The following GNAO1 variants were observed in gnomAD, a reference collection of about 807,000 sequenced individuals.
GNAO1 encodes the protein guanine nucleotide-binding protein G(o) subunit alpha.
For synonymous variants in GNAO1, 164 were observed against 180.7 expected (o/e 0.91, Z 0.74); for missense variants, 166 against 478.7 (o/e 0.35, Z 6.10).
At chr16:56,343,162 A>C (rs1243250223) in intron 6 of GNAO1, among the ~76,000 whole-genome samples, 1 of 151,812 alleles carries the variant, frequency 6.6e-6, no homozygotes, top group Non-Finnish European at 1.5e-5. Context: ...GTATAAAAGG[A>C]AAATGGAAGT....
At chr16:56,235,415 C>T (rs757259021) in intron 2 of GNAO1, 19 of 456,002 alleles carry the variant, frequency 4.2e-5, no homozygotes, top group South Asian at 1.2e-4. Context: ...TGAAGGCCGG[C>T]GGGACACTAC....
intron 2 of GNAO1, among the ~76,000 whole-genome samples, chr16:56,264,831 ATAC>A (rs2036936494): frequency 6.7e-6 from 1 of 149,028 alleles, no homozygotes; most frequent in South Asian, 2.1e-4. Context: ...ATAGTATAGT[ATAC>A]TAATTATATA....
rs149567077 is a variant in GNAO1 at position 56,350,040 on chromosome 16, G to C, written c.724-1344G>C. The stretch of plus-strand genomic sequence containing the variant: ...AGGTTAAGTGACATGGGCAGGGAGA[G>C]CGCTGGCACAGTGTGGGCCTCAGTG... On this transcript the variant is annotated intron_variant, in intron 6 of 8. Coordinates refer to ENST00000262493, the MANE Select transcript of GNAO1 (RefSeq NM_020988.3). Among the ~76,000 whole-genome samples the C allele has an allele frequency of 3.9e-5, 6 of 152,304 alleles. No homozygotes were observed. In the East Asian group the frequency reaches 1.2e-3, roughly 29 times the overall value.
At chr16:56,278,599 T>C (rs1449247183) in intron 3 of GNAO1, among the ~76,000 whole-genome samples, 1 of 152,090 alleles carries the variant, frequency 6.6e-6, no homozygotes, top group Non-Finnish European at 1.5e-5. Flanking sequence ...TCCTTCCCTT[T>C]CCATGTTCTC....
chr16:56,201,962 T>C (rs2036285327), intron 2 of GNAO1, among the ~76,000 whole-genome samples: 1 of 151,992 alleles, frequency 6.6e-6, no homozygotes, highest in South Asian at 2.1e-4. Context: ...TGCTTTTGAG[T>C]GGCGAGAGCC....
intron 2 of GNAO1, among the ~76,000 whole-genome samples, chr16:56,219,070 G>A (rs1429871933): frequency 6.6e-6 from 1 of 152,156 alleles, no homozygotes; most frequent in East Asian, 1.9e-4. Context: ...TTCTGAGTTG[G>A]CCCATTGTGG....
At chr16:56,217,714 G>T (rs1293693910) in intron 2 of GNAO1, among the ~76,000 whole-genome samples, 1 of 152,144 alleles carries the variant, frequency 6.6e-6, no homozygotes, top group East Asian at 1.9e-4. Context: ...GTCTACAGAT[G>T]GGAAAACTAA....
chr16:56,244,175 G>A (rs1018572496), intron 2 of GNAO1, among the ~76,000 whole-genome samples: 2 of 152,138 alleles, frequency 1.3e-5, no homozygotes, highest in Non-Finnish European at 2.9e-5. Context: ...GTGTAGGCAC[G>A]TAAATGGGAA....
intron 2 of GNAO1, among the ~76,000 whole-genome samples, chr16:56,264,046 T>G (rs1234920603): frequency 6.6e-5 from 10 of 152,206 alleles, no homozygotes; most frequent in Non-Finnish European, 1.3e-4. Flanking sequence ...TCAGGAGGCC[T>G]GAGGTCTTCC....
At chr16:56,275,056 C>T (rs1175577043) in intron 2 of GNAO1, among the ~76,000 whole-genome samples, 2 of 152,242 alleles carry the variant, frequency 1.3e-5, no homozygotes, top group African/African-American at 4.8e-5. Flanking sequence ...GGTGCGTGAA[C>T]GTGTCACAAG....
intron 3 of GNAO1, among the ~76,000 whole-genome samples, chr16:56,297,409 A>G (rs547643731): frequency 4.6e-5 from 7 of 152,152 alleles, no homozygotes; most frequent in East Asian, 1.9e-4. Context: ...CTGGGAGTAC[A>G]GATTTTGGAC....
At chr16:56,320,227 T>C (rs114873754) in intron 3 of GNAO1, among the ~76,000 whole-genome samples, 2,241 of 152,262 alleles carry the variant, frequency 0.015, 53 homozygotes, top group African/African-American at 0.051. Context: ...TCCTCCCGTG[T>C]GCCCAATCAT....
chr16:56,314,402 A>G (rs1011171741), intron 3 of GNAO1, among the ~76,000 whole-genome samples: 4 of 152,168 alleles, frequency 2.6e-5, no homozygotes, highest in Admixed American at 2.6e-4. Flanking sequence ...GAAGGAAGGG[A>G]TGAGTCCGGC....
intron 2 of GNAO1, among the ~76,000 whole-genome samples, chr16:56,251,625 G>A (rs1309901161): frequency 2.6e-5 from 4 of 152,178 alleles, no homozygotes; most frequent in Non-Finnish European, 5.9e-5. Flanking sequence ...AGAAGAGCTT[G>A]CCTGTGGCTT....
rs557050631 is a variant in GNAO1, at chr16:56,194,191, C to T, written c.161+1575C>T. 4.5e-4 allele frequency: 204 copies of T among 456,552 alleles called. 2 individuals are homozygous for T. The highest frequency in any genetic ancestry group is 3.7e-3 in the African/African-American group (188 of 50,162). The allele number at this position is 456,552 out of a possible 1,614,324, so 28.3% of individuals were successfully genotyped here. On this transcript the variant is annotated intron_variant, in intron 2 of 8. Transcript: ENST00000262493. The stretch of plus-strand genomic sequence containing the variant: ...CCTGGGGCTTTCTTCGCAGAGCCCC[C>T]CTTGGCTCGCCGCACCCTTCTGAGC...
intron 3 of GNAO1, among the ~76,000 whole-genome samples, chr16:56,322,317 C>G (rs1195556992): frequency 6.6e-6 from 1 of 152,188 alleles, no homozygotes; most frequent in East Asian, 1.9e-4. Flanking sequence ...CAGGCACGCT[C>G]TGACCAGCAA....
intron 3 of GNAO1, among the ~76,000 whole-genome samples, chr16:56,320,963 G>C (rs1465626412): frequency 6.6e-6 from 1 of 152,244 alleles, no homozygotes; most frequent in African/African-American, 2.4e-5. Flanking sequence ...TATGTGGCCA[G>C]TGCTCACAAC....
intron 2 of GNAO1, among the ~76,000 whole-genome samples, chr16:56,199,080 C>T: frequency 6.6e-6 from 1 of 152,226 alleles, no homozygotes; most frequent in Admixed American, 6.5e-5. Context: ...GGCTCCCTTC[C>T]TGTTGTCAAC....
At chr16:56,215,992 C>T (rs1413618606) in intron 2 of GNAO1, among the ~76,000 whole-genome samples, 1 of 152,182 alleles carries the variant, frequency 6.6e-6, no homozygotes, top group Non-Finnish European at 1.5e-5. Context: ...TACCTCTGCT[C>T]CCTATCTCTA....
Sources: allele counts gnomAD v4.1 joint callset (sites outside exome capture counted in the v4.1 genomes callset), GRCh38; gene constraint gnomAD v4.1.1; transcripts MANE v1.5; gene names NCBI Gene and HGNC (gene_info 2026-07-23, HGNC 2026-07-21).